The following RIT2 variants were observed in gnomAD, a reference collection of about 807,000 sequenced individuals.
RIT2 encodes GTP-binding protein Rit2.
A neutral mutation model predicts 23.7 loss-of-function variants in RIT2; 24 were observed. The observed-to-expected ratio is 1.01, with a 90% CI of 0.73 to 1.43. The LOEUF (loss-of-function observed/expected upper bound fraction) is 1.43, where lower values mean the gene tolerates loss of function less well. Among genes scored for constraint, RIT2 ranks in the 40% most tolerant of loss-of-function variants. The pLI is 0.00. For synonymous variants in RIT2, 107 were observed against 91.1 expected (o/e 1.17, Z -0.99); for missense variants, 236 against 266.9 (o/e 0.88, Z 0.81).
chr18:42,992,520 AC>A (rs1437367518), intron 2 of RIT2, among the ~76,000 whole-genome samples: 2 of 151,504 alleles, frequency 1.3e-5, no homozygotes, highest in Non-Finnish European at 2.9e-5. Flanking sequence ...TTTTCTACAG[AC>A]CCATCTGACC....
intron 2 of RIT2, among the ~76,000 whole-genome samples, chr18:42,981,013 A>G (rs950269137): frequency 2.0e-5 from 3 of 152,128 alleles, no homozygotes; most frequent in Non-Finnish European, 2.9e-5. Flanking sequence ...GAGAGAGTAG[A>G]AGGATCCATT....
intron 4 of RIT2, among the ~76,000 whole-genome samples, chr18:42,793,229 TTTTGAG>T (rs780240071): frequency 2.0e-4 from 30 of 152,226 alleles, no homozygotes; most frequent in Non-Finnish European, 3.1e-4. Flanking sequence ...AAATTTCATC[TTTTGAG>T]TTTAATTTTT....
intron 2 of RIT2, among the ~76,000 whole-genome samples, chr18:43,023,767 AAT>A (rs1167141390): frequency 5.9e-5 from 9 of 152,096 alleles, no homozygotes; most frequent in Non-Finnish European, 7.4e-5. Context: ...CTATATACTA[AAT>A]AAGAAGGTAA....
intron 4 of RIT2, among the ~76,000 whole-genome samples, chr18:42,777,861 A>G (rs1306442457): frequency 6.6e-6 from 1 of 152,210 alleles, no homozygotes; most frequent in Non-Finnish European, 1.5e-5. Flanking sequence ...GCCAGCATAA[A>G]CCACATAATC....
At chr18:42,762,647 A>T (rs1000092689) in intron 4 of RIT2, among the ~76,000 whole-genome samples, 6 of 152,192 alleles carry the variant, frequency 3.9e-5, no homozygotes, top group Non-Finnish European at 8.8e-5. Context: ...ATTTTTAAAA[A>T]TTATTTTTTA....
At chr18:42,841,566 C>G (rs1330523073) in intron 4 of RIT2, among the ~76,000 whole-genome samples, 1 of 152,046 alleles carries the variant, frequency 6.6e-6, no homozygotes, top group African/African-American at 2.4e-5. Context: ...AAATTAGAGT[C>G]AATAATAAGA....
Position 42,887,128 on chromosome 18 carries a change from C to T in RIT2, c.426+36444G>A, listed in dbSNP as rs559647976. Among the ~76,000 whole-genome samples, 4 of 152,162 alleles carry T rather than the reference C, an allele frequency of 2.6e-5. No homozygotes were observed. In the South Asian group the frequency reaches 8.3e-4, roughly 32 times the overall value. On this transcript the variant is annotated intron_variant, in intron 4 of 4. Transcript: ENST00000326695. ...TGACTTTGGAGAAAAAGATATAATG[C>T]TGTTAAGATAAATCTTACCTAAAAA...
At chr18:42,984,510 C>A (rs1460302170) in intron 2 of RIT2, among the ~76,000 whole-genome samples, 1 of 151,864 alleles carries the variant, frequency 6.6e-6, no homozygotes, top group East Asian at 1.9e-4. Flanking sequence ...TGTGACACTT[C>A]GTTACAATTT....
At chr18:42,764,880 G>A (rs1405587268) in intron 4 of RIT2, among the ~76,000 whole-genome samples, 1 of 152,194 alleles carries the variant, frequency 6.6e-6, no homozygotes, top group East Asian at 1.9e-4. Flanking sequence ...TTGTGATGCA[G>A]TCTTACTTAC....
intron 4 of RIT2, among the ~76,000 whole-genome samples, chr18:42,767,673 A>T (rs1324398480): frequency 6.6e-6 from 1 of 152,138 alleles, no homozygotes; most frequent in Non-Finnish European, 1.5e-5. Flanking sequence ...CACGGGTGGA[A>T]TGATGTGGTT....
intron 4 of RIT2, among the ~76,000 whole-genome samples, chr18:42,776,301 A>C: frequency 6.6e-6 from 1 of 152,210 alleles, no homozygotes; most frequent in East Asian, 1.9e-4. Flanking sequence ...AGCAATTACT[A>C]ACTGATGCCT....
intron 3 of RIT2, among the ~76,000 whole-genome samples, chr18:42,973,336 T>C (rs190240076): frequency 1.7e-3 from 263 of 151,964 alleles, no homozygotes; most frequent in African/African-American, 5.8e-3. Context: ...TTAACAACTT[T>C]TTTTATTCTT....
intron 4 of RIT2, among the ~76,000 whole-genome samples, chr18:42,817,843 T>TTA (rs1906041078): frequency 1.3e-5 from 2 of 152,066 alleles, no homozygotes; most frequent in South Asian, 4.1e-4. Flanking sequence ...ACATTTATAA[T>TTA]GTACCTAATA....
chr18:42,920,413 G>T (rs1045409426), intron 4 of RIT2, among the ~76,000 whole-genome samples: 7 of 152,114 alleles, frequency 4.6e-5, no homozygotes, highest in Admixed American at 4.6e-4. Context: ...CTACTTCTTG[G>T]TCTTGCGGTG....
Position 42,983,384 on chromosome 18 carries a change from T to C in RIT2, c.161-9237A>G, listed in dbSNP as rs148252412. On this transcript the variant is annotated intron_variant, in intron 2 of 4. Coordinates refer to ENST00000326695, the MANE Select transcript of RIT2 (RefSeq NM_002930.4). ...CCTAAATGGATCACAGAATTGAATA[T>C]ACAATTTAAAGCTACAAGTTTTAGA... Among the ~76,000 whole-genome samples the C allele has an allele frequency of 1.2e-4, 18 of 151,888 alleles. No homozygotes were observed. The East Asian group carries it at 2.3e-3, about 20-fold the overall frequency.
intron 3 of RIT2, among the ~76,000 whole-genome samples, chr18:42,973,809 GA>G (rs1260757187): frequency 1.3e-5 from 2 of 150,846 alleles, no homozygotes; most frequent in Admixed American, 6.6e-5. Flanking sequence ...CAAACCTGAG[GA>G]AAAAAAATAA....
At chr18:42,751,995 G>T (rs1363626702) in intron 4 of RIT2, among the ~76,000 whole-genome samples, 1 of 151,686 alleles carries the variant, frequency 6.6e-6, no homozygotes, top group Admixed American at 6.6e-5. Context: ...CCATACATTT[G>T]TCATACCTAC....
At chr18:43,051,650 G>A (rs1329717040) in intron 1 of RIT2, among the ~76,000 whole-genome samples, 1 of 152,050 alleles carries the variant, frequency 6.6e-6, no homozygotes, top group Non-Finnish European at 1.5e-5. Context: ...AACTTTTTTA[G>A]TGTTAACTGC....
intron 2 of RIT2, among the ~76,000 whole-genome samples, chr18:42,989,623 G>C (rs1213062663): frequency 2.0e-5 from 3 of 152,040 alleles, no homozygotes; most frequent in Non-Finnish European, 2.9e-5. Flanking sequence ...TGTCAATTTG[G>C]ACTAGTCACA....
Sources: gnomAD v4.1 joint callset for allele counts (sites outside exome capture counted in the v4.1 genomes callset) on GRCh38, gnomAD v4.1.1 for gene constraint, MANE v1.5 for transcripts, NCBI Gene and HGNC (gene_info 2026-07-23, HGNC 2026-07-21) for gene names.